The following ASCC1 variants were observed in gnomAD, a reference collection of about 807,000 sequenced individuals.
The protein encoded by ASCC1 is ASC-1 complex subunit P50.
ASCC1 carries 35 observed loss-of-function variants against 46.6 expected under a neutral mutation model. The ratio of observed to expected loss-of-function variants is 0.75; its 90% CI spans 0.57 to 0.99. The LOEUF is 0.99. Ranked by LOEUF, ASCC1 falls within the 50% of genes least tolerant of loss-of-function variation. The pLI is 0.00. For missense variants in ASCC1, 376 were observed against 428.7 expected, an observed-to-expected ratio of 0.88 and a Z score of 1.09; for synonymous variants, 143 against 146.6, an observed-to-expected ratio of 0.98 and a Z score of 0.18.
chr10:72,132,159 G>A (rs965651740), intron 8 of ASCC1, among the ~76,000 whole-genome samples: 3 of 152,024 alleles, frequency 2.0e-5, no homozygotes, highest in African/African-American at 7.3e-5. Flanking sequence ...ATGAGCCACC[G>A]CACCTGGCCC....
chr10:72,189,171 C>A (rs191744581), intron 5 of ASCC1, among the ~76,000 whole-genome samples: 23 of 151,620 alleles, frequency 1.5e-4, no homozygotes, highest in African/African-American at 5.1e-4. Flanking sequence ...GAGGCCGAGG[C>A]GGGCGGATCA....
intron 9 of ASCC1, among the ~76,000 whole-genome samples, chr10:72,124,971 T>C (rs889323543): frequency 6.6e-6 from 1 of 152,202 alleles, no homozygotes; most frequent in African/African-American, 2.4e-5. Flanking sequence ...AAGACTTTCT[T>C]ATTTTTAACT....
chr10:72,174,456 A>G (rs904145588), intron 5 of ASCC1, among the ~76,000 whole-genome samples: 2 of 152,128 alleles, frequency 1.3e-5, no homozygotes, highest in African/African-American at 2.4e-5. Flanking sequence ...CATCCTTTCC[A>G]TGAGATGGGA....
chr10:72,121,474 C>T (rs1479086051), intron 9 of ASCC1, among the ~76,000 whole-genome samples: 2 of 145,002 alleles, frequency 1.4e-5, no homozygotes, highest in African/African-American at 2.6e-5. Context: ...TAAAGACACA[C>T]AGAGATTAAA....
chr10:72,212,841 C>G (rs894667038), intron 2 of ASCC1, among the ~76,000 whole-genome samples: 1 of 151,884 alleles, frequency 6.6e-6, no homozygotes, highest in Admixed American at 6.6e-5. Flanking sequence ...GAGCAAGACT[C>G]CATCTCAAAT....
At chr10:72,127,664 C>CTTTTTTTTT (rs3063665) in intron 9 of ASCC1, among the ~76,000 whole-genome samples, 6 of 130,002 alleles carry the variant, frequency 4.6e-5, no homozygotes, top group African/African-American at 9.3e-5. Context: ...CTAAGGGTTT[C>CTTTTTTTTT]TTTTTTTTTT....
At chr10:72,115,251 A>G (rs1843368911) in intron 9 of ASCC1, among the ~76,000 whole-genome samples, 1 of 152,192 alleles carries the variant, frequency 6.6e-6, no homozygotes, top group Non-Finnish European at 1.5e-5. Flanking sequence ...AACAGTTCCA[A>G]AAAAGTTTCC....
At chr10:72,117,631 T>A (rs1843651808) in intron 9 of ASCC1, among the ~76,000 whole-genome samples, 1 of 152,244 alleles carries the variant, frequency 6.6e-6, no homozygotes, top group Non-Finnish European at 1.5e-5. Context: ...TAATTGATCC[T>A]TTTAAATAAC....
intron 5 of ASCC1, among the ~76,000 whole-genome samples, chr10:72,176,704 G>C (rs1459568913): frequency 6.6e-6 from 1 of 152,022 alleles, no homozygotes; most frequent in Non-Finnish European, 1.5e-5. Flanking sequence ...CCACACAAGA[G>C]CTTTCACAAC....
At chr10:72,183,807 CAAAT>C (rs764837855) in intron 5 of ASCC1, among the ~76,000 whole-genome samples, 1 of 151,844 alleles carries the variant, frequency 6.6e-6, no homozygotes, top group Non-Finnish European at 1.5e-5. Context: ...ATTTTTCAAA[CAAAT>C]AAAAGCTGAG....
chr10:72,188,504 GAAAAAAGGAAA>G (rs1853856754), intron 5 of ASCC1, among the ~76,000 whole-genome samples: 1 of 151,156 alleles, frequency 6.6e-6, no homozygotes, highest in Non-Finnish European at 1.5e-5. Context: ...GAACCTGATC[GAAAAAAGGAAA>G]AGAAAAGGAA....
At chr10:72,148,811 A>C (rs944819210) in intron 7 of ASCC1, among the ~76,000 whole-genome samples, 1 of 152,172 alleles carries the variant, frequency 6.6e-6, no homozygotes, top group African/African-American at 2.4e-5. Context: ...AGAGAGTATG[A>C]ATGTTCACTA....
At chr10:72,190,874 T>C (rs1354109608) in intron 5 of ASCC1, among the ~76,000 whole-genome samples, 1 of 150,178 alleles carries the variant, frequency 6.7e-6, no homozygotes, top group African/African-American at 2.5e-5. Flanking sequence ...CAGGTGCCTG[T>C]AGTCCCAGCT....
intron 7 of ASCC1, among the ~76,000 whole-genome samples, chr10:72,135,188 G>C (rs563756507): frequency 7.7e-4 from 117 of 152,318 alleles, no homozygotes; most frequent in African/African-American, 2.7e-3. Context: ...GACCTCAAAG[G>C]ATGGTGTGTT....
chr10:72,197,332 T>C (rs779333039), intron 4 of ASCC1, among the ~76,000 whole-genome samples: 4 of 151,720 alleles, frequency 2.6e-5, no homozygotes, highest in Admixed American at 6.6e-5. Context: ...TTAGCCAGCC[T>C]GGTGGCGGGC....
chr10:72,186,233 T>C (rs913498385), intron 5 of ASCC1, among the ~76,000 whole-genome samples: 1 of 151,774 alleles, frequency 6.6e-6, no homozygotes, highest in Admixed American at 6.6e-5. Context: ...GCTTAAGCTA[T>C]CCTCCCTGAC....
At chr10:72,180,048 AG>A (rs1852372564) in intron 5 of ASCC1, among the ~76,000 whole-genome samples, 1 of 152,170 alleles carries the variant, frequency 6.6e-6, no homozygotes, top group Non-Finnish European at 1.5e-5. Flanking sequence ...AGGCCAAGGC[AG>A]GTGGATCACT....
chr10:72,108,054 C>CTTTCTT lies in ASCC1; in HGVS notation c.958-10610_958-10605dup, dbSNP rs1231937477. ...ATCATCTAGGATGGTATGTTAAATA[C>CTTTCTT]TTTCTTTTTCTTTTTCTTTTTCTTT... On this transcript the variant is annotated intron_variant, in intron 9 of 9. Transcript: ENST00000672957. Among the ~76,000 whole-genome samples, 46 of 148,570 alleles carry CTTTCTT rather than the reference C, an allele frequency of 3.1e-4. No homozygotes were observed. The South Asian group carries it at 7.1e-3, about 23-fold the overall frequency.
intron 7 of ASCC1, among the ~76,000 whole-genome samples, chr10:72,147,134 G>A (rs1312832903): frequency 2.0e-5 from 3 of 151,034 alleles, no homozygotes; most frequent in Non-Finnish European, 4.4e-5. Flanking sequence ...ATACAAAAGT[G>A]GCTATTGTCA....
Sources: allele counts gnomAD v4.1 joint callset (sites outside exome capture counted in the v4.1 genomes callset), GRCh38; gene constraint gnomAD v4.1.1; transcripts MANE v1.5; gene names NCBI Gene and HGNC (gene_info 2026-07-23, HGNC 2026-07-21).